ZNF462: variants seen among roughly 807,000 people sequenced by gnomAD.
ZNF462 encodes zinc finger protein 462.
In ZNF462, 10 loss-of-function variants were observed where a neutral mutation model predicts 201.9. The observed-to-expected ratio is 0.05, with a 90% CI of 0.03 to 0.08. The LOEUF is 0.08. Ranked by LOEUF, ZNF462 falls within the 10% of genes least tolerant of loss-of-function variation. The pLI is 1.00. For synonymous variants in ZNF462, 1,227 were observed against 1,193.3 expected (o/e 1.03, Z -0.58); for missense variants, 2,523 against 3,168.3 (o/e 0.80, Z 4.89).
intron 7 of ZNF462, among the ~76,000 whole-genome samples, chr9:106,945,070 A>G (rs559579635): frequency 6.6e-6 from 1 of 152,324 alleles, no homozygotes; most frequent in East Asian, 1.9e-4. Flanking sequence ...GAATAATTAC[A>G]GCAATACCCA....
At chr9:106,901,440 T>C (rs533591630) in intron 1 of ZNF462, among the ~76,000 whole-genome samples, 30 of 152,290 alleles carry the variant, frequency 2.0e-4, no homozygotes, top group African/African-American at 7.2e-4. Flanking sequence ...TTGTTTTTTC[T>C]AATTCTGTGA....
At chr9:106,918,735 A>G (rs1829877977) in intron 1 of ZNF462, among the ~76,000 whole-genome samples, 2 of 152,166 alleles carry the variant, frequency 1.3e-5, no homozygotes, top group Non-Finnish European at 2.9e-5. Context: ...TGATCTGCAA[A>G]TACATTTTTT....
chr9:106,929,625 G>A lies in ZNF462; in HGVS notation c.5713G>A (p.Ala1905Thr). 6.2e-7 allele frequency: 1 copy of A among 1,614,230 alleles called. No homozygotes were observed. Among genetic ancestry groups the A allele is most frequent in the Non-Finnish European group, 8.5e-7 (1 of 1,180,052 alleles). Residue 1905 changes from alanine (A) to threonine (T), a missense_variant, in exon 3 of 13, where the codon GCC becomes ACC. Ala to Thr is a moderately conservative substitution (Grantham distance 58). This residue lies in a region of ZNF462 where 207 missense variants were observed against 231.6 expected (regional missense o/e 0.89). Coordinates refer to ENST00000277225, the MANE Select transcript of ZNF462 (RefSeq NM_021224.6). This position sits in a 1 kb window ranked among gnomAD's most constrained non-coding sequence, Gnocchi z 8.7. ...KHCDSKLQSTAELTSHLNIHN... is the reference protein window; with the variant it reads ...KHCDSKLQSTTELTSHLNIHN... ...CTGTGATAGCAAACTGCAAAGCACA[G>A]CCGAGCTGACCTCACACTTGAACAT...
chr9:106,873,772 G>A (rs1827705471), intron 1 of ZNF462, among the ~76,000 whole-genome samples: 1 of 152,186 alleles, frequency 6.6e-6, no homozygotes, highest in Non-Finnish European at 1.5e-5. Context: ...GTGACACACT[G>A]TGCTAAGGGA....
rs895357424 is a variant in ZNF462, at chr9:106,923,782, G to A, written c.220+179G>A. On this transcript the variant is annotated intron_variant, in intron 2 of 12. Coordinates refer to ENST00000277225, the MANE Select transcript of ZNF462 (RefSeq NM_021224.6). This position sits in a 1 kb window ranked among gnomAD's most constrained non-coding sequence, Gnocchi z 5.6. The stretch of plus-strand genomic sequence containing the variant: ...TGAGTACCTTAGGTTTTATCCTTTC[G>A]AAAGCTTCCTCATATATCCTACCTT... Among the ~76,000 whole-genome samples, 4 of 152,058 alleles carry A rather than the reference G, an allele frequency of 2.6e-5. No individual in the cohort carries two copies. The highest frequency in any genetic ancestry group is 4.4e-5 in the Non-Finnish European group (3 of 68,016).
Position 106,876,328 on chromosome 9 carries a change from C to T in ZNF462, c.-31+12973C>T, listed in dbSNP as rs560363818. Among the ~76,000 whole-genome samples the T allele has an allele frequency of 1.3e-5, 2 of 152,346 alleles. No homozygotes were observed. The highest frequency in any genetic ancestry group is 4.1e-4 in the South Asian group (2 of 4,830). ...CCAGGAAGGAAGAAAGTGATAGTTT[C>T]TTCCTTCCTCACTGATAGAGAAACT... is the stretch of plus-strand genomic sequence containing the variant. On this transcript the variant is annotated intron_variant, in intron 1 of 12. Transcript: ENST00000277225. The surrounding 1 kb of genome is among the most constrained non-coding windows in gnomAD (Gnocchi z 4.9).
chr9:106,939,074 G>A lies in ZNF462; in HGVS notation c.6394G>A (p.Ala2132Thr), dbSNP rs1307930117. 1 of 1,609,956 alleles carries A rather than the reference G, an allele frequency of 6.2e-7. No individual in the cohort carries two copies. The highest frequency in any genetic ancestry group is 1.3e-5 in the African/African-American group (1 of 74,716). The change falls in exon 7 of 13, where the codon GCT becomes ACT. Residue 2132 changes from alanine to threonine, a missense_variant. This residue lies in a region of ZNF462 where 138 missense variants were observed against 146.3 expected (regional missense o/e 0.94). Transcript: ENST00000277225. The stretch of plus-strand genomic sequence containing the variant: ...ACACTCCCACCACTCCTCCCAAAAA[G>A]CTACCCCGGCTGAAGAAGTGGAAGA... ...SSHSHHSSQK[A>T]TPAEEVEDSN...
Position 106,865,193 on chromosome 9 carries a change from G to A in ZNF462, c.-31+1838G>A, listed in dbSNP as rs1476008107. Reference sequence around the variant, plus strand: ...TTGAGGCGTTTGTTTCCATTTTAAAGTAAACTTTTGGAATTTTTTTTCTCC... The same window carrying A: ...TTGAGGCGTTTGTTTCCATTTTAAAATAAACTTTTGGAATTTTTTTTCTCC... On this transcript the variant is annotated intron_variant, in intron 1 of 12. Coordinates refer to ENST00000277225, the MANE Select transcript of ZNF462 (RefSeq NM_021224.6). This position sits in a 1 kb window ranked among gnomAD's most constrained non-coding sequence, Gnocchi z 4.1. 2.6e-5 allele frequency among the ~76,000 whole-genome samples: 4 copies of A among 152,118 alleles called. No individual in the cohort carries two copies. The highest frequency in any genetic ancestry group is 4.8e-5 in the African/African-American group (2 of 41,422).
At chr9:106,893,395 A>G (rs1828674529) in intron 1 of ZNF462, among the ~76,000 whole-genome samples, 2 of 152,222 alleles carry the variant, frequency 1.3e-5, no homozygotes, top group African/African-American at 4.8e-5. Context: ...ATGGAAGGAA[A>G]TCACCATCCT....
rs1418811892 is a variant in ZNF462 at position 106,927,064 on chromosome 9, A to C, written c.3152A>C (p.Lys1051Thr). 1 of 1,613,778 alleles carries C rather than the reference A, an allele frequency of 6.2e-7. No homozygotes were observed. Residue 1051 changes from lysine (K) to threonine (T), a missense_variant, in exon 3 of 13, where the codon AAG becomes ACG. Lys to Thr is a moderately conservative substitution (Grantham distance 78). Coordinates refer to ENST00000277225, the MANE Select transcript of ZNF462 (RefSeq NM_021224.6). ...NMHSVLVHYQ[K>T]KHPEEKASYF... ...CATTCTGTCTTGGTTCATTATCAGA[A>C]GAAACACCCCGAAGAAAAGGCTTCC...
chr9:106,976,170 T>C (rs1440501083), intron 9 of ZNF462: 1 of 152,166 alleles, frequency 6.6e-6, no homozygotes, highest in Admixed American at 6.5e-5. Context: ...TAGTGGAAAG[T>C]TCACCTCTAA....
chr9:106,927,656 G>C lies in ZNF462; in HGVS notation c.3744G>C (p.Val1248=). Residue 1248 remains valine (V), a synonymous_variant, in exon 3 of 13, where the codon GTG becomes GTC. Transcript: ENST00000277225. ...ATCAGAAGAAGCCTGCCAGCTGCGT[G>C]CTTGTCTCCCCCTCTAATCTGGAGC... The part of the protein sequence containing the change: ...DRNQKKPASC[V]LVSPSNLERD... 6.2e-7 allele frequency: 1 copy of C among 1,614,080 alleles called. No homozygotes were observed. Among genetic ancestry groups the C allele is most frequent in the Non-Finnish European group, 8.5e-7 (1 of 1,180,036 alleles).
chr9:106,863,132 G>C, upstream of ZNF462: 1 of 398,854 alleles, frequency 2.5e-6, no homozygotes, highest in Non-Finnish European at 4.4e-6. Context: ...GAGAGGGAGA[G>C]AGACGGATAT....
In ZNF462 at chr9:107,013,351, G is replaced by A. The variant is rs918347779; in HGVS notation, c.*2321G>A. On this transcript the variant is annotated 3_prime_UTR_variant, in exon 13 of 13. Transcript: ENST00000277225. ...TTATTATAATTCTGTTGACTGTAAT[G>A]ACATAGAATTTACAACATTTTTTGT... The A allele has an allele frequency of 1.3e-5, 2 of 152,072 alleles. No individual in the cohort carries two copies. Among genetic ancestry groups the A allele is most frequent in the Admixed American group, 1.3e-4 (2 of 15,264 alleles). The allele number at this position is 152,072 out of a possible 1,614,324, so 9.4% of individuals were successfully genotyped here.
intron 7 of ZNF462, among the ~76,000 whole-genome samples, chr9:106,952,264 T>C (rs1314743401): frequency 1.3e-5 from 2 of 152,150 alleles, no homozygotes; most frequent in African/African-American, 4.8e-5. Context: ...ATATGCAAAA[T>C]AATGATGCCG....
At chr9:106,940,380 CAA>C (rs767693265) in intron 7 of ZNF462, among the ~76,000 whole-genome samples, 1 of 152,220 alleles carries the variant, frequency 6.6e-6, no homozygotes, top group Admixed American at 6.5e-5. Flanking sequence ...GTGTTTAAAA[CAA>C]GAGACTCTTC....
chr9:106,949,318 C>T (rs1402952287), intron 7 of ZNF462, among the ~76,000 whole-genome samples: 1 of 152,146 alleles, frequency 6.6e-6, no homozygotes, highest in Non-Finnish European at 1.5e-5. Context: ...ATAGATATTT[C>T]TTAAATTGTT....
intron 10 of ZNF462, among the ~76,000 whole-genome samples, chr9:106,997,308 G>A (rs959227184): frequency 6.6e-6 from 1 of 152,098 alleles, no homozygotes; most frequent in Non-Finnish European, 1.5e-5. Flanking sequence ...ATATGATACA[G>A]CAATCCCACT....
Position 106,902,748 on chromosome 9 carries a change from T to G in ZNF462, c.-30-20606T>G, listed in dbSNP as rs1829115055. 6.6e-6 allele frequency among the ~76,000 whole-genome samples: 1 copy of G among 152,164 alleles called. No individual in the cohort carries two copies. Among genetic ancestry groups the G allele is most frequent in the African/African-American group, 2.4e-5 (1 of 41,438 alleles). On this transcript the variant is annotated intron_variant, in intron 1 of 12. Transcript: ENST00000277225. The surrounding 1 kb of genome is among the most constrained non-coding windows in gnomAD (Gnocchi z 4.2). Reference sequence around the variant, plus strand: ...GTAACCTTGAATGATCTTTTTGTATTTCTGTGGTATCAGATGTAATATCAC... The same window carrying G: ...GTAACCTTGAATGATCTTTTTGTATGTCTGTGGTATCAGATGTAATATCAC...
Sources: gnomAD v4.1 joint callset for allele counts (sites outside exome capture counted in the v4.1 genomes callset) on GRCh38, gnomAD v4.1.1 for gene constraint, gnomAD v4.1.1 regional missense constraint, Gnocchi (gnomAD v3.1) non-coding constraint, MANE v1.5 for transcripts, NCBI Gene and HGNC (gene_info 2026-07-23, HGNC 2026-07-21) for gene names.